Variants in PTPN13 observed in about 807,000 individuals in gnomAD.
PTPN13 encodes protein tyrosine phosphatase non-receptor type 13.
Under a neutral mutation model 284.0 loss-of-function variants are expected in PTPN13, and 191 were observed. That is an observed-to-expected ratio of 0.67 (90% CI 0.60 to 0.76). The LOEUF is 0.76. Ranked by LOEUF, PTPN13 falls within the 30% of genes least tolerant of loss-of-function variation. The probability of loss-of-function intolerance (pLI) is 0.00; values close to 1 mark genes in which losing one functional copy is unlikely to be tolerated. For missense variants in PTPN13, 2,797 were observed against 2,939.9 expected (o/e 0.95, Z 1.12); for synonymous variants, 986 against 1,022.3 (o/e 0.96, Z 0.68).
chr4:86,650,445 G>A (rs1724959330), intron 2 of PTPN13, among the ~76,000 whole-genome samples: 1 of 152,122 alleles, frequency 6.6e-6, no homozygotes, highest in Non-Finnish European at 1.5e-5. Context: ...CCGAAGAGCT[G>A]GGACTACAGA....
intron 1 of PTPN13, among the ~76,000 whole-genome samples, chr4:86,608,899 C>A (rs1463091568): frequency 6.6e-6 from 1 of 152,114 alleles, no homozygotes; most frequent in Non-Finnish European, 1.5e-5. Context: ...ATTTACAGAG[C>A]CCCAAACTGT....
chr4:86,722,218 A>G lies in PTPN13; in HGVS notation c.1392A>G (p.Gln464=). 6.2e-7 allele frequency: 1 copy of G among 1,611,180 alleles called. No homozygotes were observed. The highest frequency in any genetic ancestry group is 1.3e-5 in the African/African-American group (1 of 74,970). Residue 464 remains glutamine (Q), a synonymous_variant, in exon 10 of 48, where the codon CAA becomes CAG. Transcript: ENST00000411767. The part of the protein sequence containing the change: ...SQGQSQRPSR[Q]YETPFEGNLI... ...TCTCCTCTTTTCTATATAGCAGACA[A>G]TATGAAACACCCTTTGAAGGCAACT... is the stretch of plus-strand genomic sequence containing the variant.
intron 41 of PTPN13, among the ~76,000 whole-genome samples, chr4:86,797,880 TTATC>T (rs1192030421): frequency 6.6e-6 from 1 of 152,044 alleles, no homozygotes; most frequent in Admixed American, 6.6e-5. Context: ...GAAAGGGTTT[TTATC>T]TATGAGGGGA....
Position 86,732,608 on chromosome 4 carries a change from A to G in PTPN13, c.1700A>G (p.Asn567Ser). Residue 567 changes from asparagine (N) to serine (S), a missense_variant, in exon 12 of 48, where the codon AAT (asparagine) becomes AGT (serine). Asn to Ser is a conservative substitution (Grantham distance 46). Coordinates refer to ENST00000411767, the MANE Select transcript of PTPN13 (RefSeq NM_080683.3). The part of the protein sequence containing the change: ...PRSILTKKGK[N>S]EDNRRKVNIM... ...CAATTGTAGACTAAGAAAGGGAAGAATGAGGATAACCGAAGGAAAGTAAAC... is the reference window on the plus strand; with the variant it reads ...CAATTGTAGACTAAGAAAGGGAAGAGTGAGGATAACCGAAGGAAAGTAAAC... 6.2e-7 allele frequency: 1 copy of G among 1,613,148 alleles called. No individual in the cohort carries two copies. The highest frequency in any genetic ancestry group is 1.3e-5 in the African/African-American group (1 of 75,028).
chr4:86,752,868 G>A, intron 19 of PTPN13, 141 bp from the exon 20 acceptor site: 1 of 467,050 alleles, frequency 2.1e-6, no homozygotes, highest in South Asian at 5.9e-5. Context: ...AATGCCCATT[G>A]GAGGATGTTT....
At chr4:86,725,200 C>T (rs1011514525) in intron 10 of PTPN13, among the ~76,000 whole-genome samples, 2 of 150,662 alleles carry the variant, frequency 1.3e-5, no homozygotes, top group Admixed American at 6.6e-5. Context: ...GCCACATTTT[C>T]TTTATTCAGT....
In PTPN13 at chr4:86,758,669, A is replaced by C; in HGVS notation, c.3314-9A>C. ...TATGAAAATCTTTTTAAAATGTGTT[A>C]TTTTACAGGATTTCAAATTATTGGT... On this transcript the variant is annotated splice_polypyrimidine_tract_variant and intron_variant, in intron 21 of 47. Coordinates refer to ENST00000411767, the MANE Select transcript of PTPN13 (RefSeq NM_080683.3). The C allele has an allele frequency of 6.2e-7, 1 of 1,602,550 alleles. No homozygotes were observed. The highest frequency in any genetic ancestry group is 1.1e-5 in the South Asian group (1 of 90,772).
intron 39 of PTPN13, 67 bp from the exon 40 acceptor site, chr4:86,785,781 A>T: frequency 1.0e-6 from 1 of 966,530 alleles, no homozygotes; most frequent in Non-Finnish European, 1.5e-6. Flanking sequence ...TTTGCAGGCA[A>T]ATGAAAACTT....
chr4:86,771,290 A>C lies in PTPN13; in HGVS notation c.4923A>C (p.Lys1641Asn), dbSNP rs1424152006. Reference protein sequence around the residue: ...DENEMSDKSKKQCKSPSRRDS... With the variant: ...DENEMSDKSKNQCKSPSRRDS... The stretch of plus-strand genomic sequence containing the variant: ...ATGAAATGTCAGACAAAAGCAAAAA[A>C]CAGTGCAAGTCCCCATCCAGAAGAG... Residue 1641 changes from lysine (K) to asparagine (N), a missense_variant, in exon 31 of 48, where the codon AAA becomes AAC. By Grantham distance (94) the Lys-to-Asn change is moderately conservative. Transcript: ENST00000411767. The C allele has an allele frequency of 1.2e-6, 2 of 1,605,212 alleles. No homozygotes were observed. The highest frequency in any genetic ancestry group is 2.7e-5 in the African/African-American group (2 of 74,816).
Position 86,763,194 on chromosome 4 carries a change from T to A in PTPN13, c.4017+4T>A, listed in dbSNP as rs776651150. On this transcript the variant is annotated splice_donor_region_variant and intron_variant, in intron 24 of 47. Coordinates refer to ENST00000411767, the MANE Select transcript of PTPN13 (RefSeq NM_080683.3). ...GGATCATCAAACACCAAAACAGGCATAGTTTAATTTTAATATTTTGGTTTT... is the reference window on the plus strand; with the variant it reads ...GGATCATCAAACACCAAAACAGGCAAAGTTTAATTTTAATATTTTGGTTTT... The A allele has an allele frequency of 7.5e-6, 12 of 1,593,304 alleles. No individual in the cohort carries two copies. In the Middle Eastern group the frequency reaches 6.8e-4, roughly 90 times the overall value.
At chr4:86,595,824 T>C (rs1249766559) in intron 1 of PTPN13, 1 of 906,808 alleles carries the variant, frequency 1.1e-6, no homozygotes, top group African/African-American at 1.8e-5. Flanking sequence ...AAAATTTATA[T>C]CTAGAAAGTT....
intron 2 of PTPN13, among the ~76,000 whole-genome samples, chr4:86,639,579 CA>C (rs1281065256): frequency 7.0e-6 from 1 of 143,612 alleles, no homozygotes; most frequent in Non-Finnish European, 1.5e-5. Flanking sequence ...ATCGCAAGGA[CA>C]AAAAACCAAA....
rs58186398 is a variant in PTPN13 at position 86,711,098 on chromosome 4, C to CTT, written c.1196-5414_1196-5413dup. 3.5e-3 allele frequency among the ~76,000 whole-genome samples: 340 copies of CTT among 97,098 alleles called. 5 individuals carry two copies. Among genetic ancestry groups the CTT allele is most frequent in the African/African-American group, 1.0e-2 (258 of 25,806 alleles). The allele number at this position is 97,098 out of a possible 152,430, so 63.7% of individuals were successfully genotyped here. ...GCCACCACACCTGGTTAATTATTGC[C>CTT]TTTTTTTTTTTTTTTTTTTGGAGAG... On this transcript the variant is annotated intron_variant, in intron 7 of 47. Transcript: ENST00000411767.
intron 2 of PTPN13, among the ~76,000 whole-genome samples, chr4:86,668,343 G>C (rs1180993326): frequency 6.6e-6 from 1 of 152,114 alleles, no homozygotes; most frequent in Non-Finnish European, 1.5e-5. Context: ...CAAGATGAGT[G>C]AATTAAAGAC....
intron 17 of PTPN13, among the ~76,000 whole-genome samples, chr4:86,749,206 C>T (rs1737119351): frequency 6.6e-6 from 1 of 151,996 alleles, no homozygotes; most frequent in Admixed American, 6.5e-5. Flanking sequence ...ATGAAACAAT[C>T]CAAGAATCTA....
At position 86,770,194 on chromosome 4, in the gene PTPN13, CT is replaced by C. The variant is rs1739824158; in HGVS notation, c.4802del (p.Leu1601Ter). ...TGTGCTACCGGAAATTGATACTGCG[CT>C]TTTGGTGAGACTTATGAAAAGTAAT... is the stretch of plus-strand genomic sequence containing the variant. The part of the protein sequence containing the change: ...PGVLPEIDTA[L>X]LTPLQSPAQV... On this transcript the variant is annotated frameshift_variant, in exon 30 of 48. Transcript: ENST00000411767. LOFTEE classifies it high-confidence loss of function. 6.2e-7 allele frequency: 1 copy of C among 1,612,362 alleles called. No homozygotes were observed. Among genetic ancestry groups the C allele is most frequent in the Non-Finnish European group, 8.5e-7 (1 of 1,178,736 alleles).
intron 17 of PTPN13, among the ~76,000 whole-genome samples, chr4:86,745,483 G>C (rs185624705): frequency 6.6e-6 from 1 of 152,052 alleles, no homozygotes; most frequent in Non-Finnish European, 1.5e-5. Flanking sequence ...CACAATAGAA[G>C]TTCAGGATTT....
intron 42 of PTPN13, among the ~76,000 whole-genome samples, chr4:86,801,128 T>C (rs529422621): frequency 1.3e-5 from 2 of 152,344 alleles, no homozygotes; most frequent in South Asian, 2.1e-4. Context: ...CAATTATAAA[T>C]AATTTCCATA....
chr4:86,725,608 A>G lies in PTPN13; in HGVS notation c.1608+3174A>G, dbSNP rs532387758. On this transcript the variant is annotated intron_variant, in intron 10 of 47. Transcript: ENST00000411767. ...TTTTCATGTGTCTGTTGGCTGCATA[A>G]ATGTCTTCTTTTGAGAAGTGTCTGT... Among the ~76,000 whole-genome samples the G allele has an allele frequency of 3.1e-4, 47 of 149,574 alleles. 2 individuals carry two copies. The highest frequency in any genetic ancestry group is 6.9e-3 in the Middle Eastern group (2 of 290).
Sources: gnomAD v4.1 joint callset for allele counts (sites outside exome capture counted in the v4.1 genomes callset) on GRCh38, gnomAD v4.1.1 for gene constraint, MANE v1.5 for transcripts, NCBI Gene and HGNC (gene_info 2026-07-23, HGNC 2026-07-21) for gene names.